Variants in SORCS3 observed in about 807,000 individuals in gnomAD.
SORCS3 encodes the protein sortilin related VPS10 domain containing receptor 3, also known as VPS10 domain-containing receptor SorCS3.
A neutral mutation model predicts 146.3 loss-of-function variants in SORCS3; 57 were observed. The ratio of observed to expected loss-of-function variants is 0.39; its 90% CI spans 0.31 to 0.49. The LOEUF (loss-of-function observed/expected upper bound fraction) is 0.49. Among genes scored for constraint, SORCS3 ranks in the 20% least tolerant of loss-of-function variants. The probability of loss-of-function intolerance (pLI) is 0.92; values close to 1 mark genes in which losing one functional copy is unlikely to be tolerated. For missense variants in SORCS3, 1,341 were observed against 1,575.5 expected (o/e 0.85, Z 2.52); for synonymous variants, 653 against 618.5 (o/e 1.06, Z -0.83).
intron 1 of SORCS3, among the ~76,000 whole-genome samples, chr10:104,827,412 C>T (rs763610567): frequency 5.3e-5 from 8 of 152,072 alleles, no homozygotes; most frequent in African/African-American, 9.7e-5. Flanking sequence ...ACATCTCCAT[C>T]GTAGATCTTG....
At chr10:105,004,053 G>C (rs2055078511) in intron 4 of SORCS3, among the ~76,000 whole-genome samples, 1 of 146,882 alleles carries the variant, frequency 6.8e-6, no homozygotes, top group South Asian at 2.1e-4. Context: ...GCAGTTATGG[G>C]AAGTTTCTCA....
At chr10:105,223,001 C>T in intron 19 of SORCS3, 115 bp from the exon 20 acceptor site, 1 of 1,129,050 alleles carries the variant, frequency 8.9e-7, no homozygotes, top group Non-Finnish European at 1.2e-6. Flanking sequence ...GGTTTTGTGA[C>T]CCTTCCTTTT....
intron 20 of SORCS3, among the ~76,000 whole-genome samples, chr10:105,242,865 AT>A (rs1248694984): frequency 1.3e-5 from 1 of 76,230 alleles, no homozygotes; most frequent in Non-Finnish European, 2.4e-5. Flanking sequence ...TTATATATAT[AT>A]TTTTATATAT....
At chr10:104,951,465 C>T (rs2019428210) in intron 3 of SORCS3, among the ~76,000 whole-genome samples, 1 of 152,050 alleles carries the variant, frequency 6.6e-6, no homozygotes, top group African/African-American at 2.4e-5. Context: ...GTAGCTGGGA[C>T]TACAGGCACA....
At chr10:104,775,631 G>A (rs969162358) in intron 1 of SORCS3, among the ~76,000 whole-genome samples, 2 of 152,190 alleles carry the variant, frequency 1.3e-5, no homozygotes, top group African/African-American at 4.8e-5. Flanking sequence ...GTTCTATAAA[G>A]ACAGAATGAC....
At chr10:105,160,862 T>C (rs1000625740) in intron 11 of SORCS3, among the ~76,000 whole-genome samples, 6 of 152,144 alleles carry the variant, frequency 3.9e-5, no homozygotes, top group Non-Finnish European at 7.4e-5. Flanking sequence ...CTGACACTTA[T>C]TAGGTTTGTG....
At chr10:104,836,932 T>C (rs1250445075) in intron 1 of SORCS3, among the ~76,000 whole-genome samples, 1 of 152,174 alleles carries the variant, frequency 6.6e-6, no homozygotes, top group East Asian at 1.9e-4. Flanking sequence ...TTTCAGTGTA[T>C]AGAAATTCCT....
chr10:104,751,001 G>T (rs2016976448), intron 1 of SORCS3, among the ~76,000 whole-genome samples: 1 of 151,372 alleles, frequency 6.6e-6, no homozygotes, highest in South Asian at 2.1e-4. Flanking sequence ...TTCTGCCTTG[G>T]TGGGTACATA....
At chr10:105,255,928 T>C (rs1302110222) in intron 24 of SORCS3, 127 bp downstream of exon 24, 2 of 689,330 alleles carry the variant, frequency 2.9e-6, no homozygotes, top group Non-Finnish European at 4.9e-6. Flanking sequence ...GTCCTTTTTG[T>C]AGTTATGGTT....
intron 4 of SORCS3, among the ~76,000 whole-genome samples, chr10:105,026,578 G>A (rs767574901): frequency 2.6e-5 from 4 of 152,200 alleles, no homozygotes; most frequent in Non-Finnish European, 5.9e-5. Context: ...AATCAACCTA[G>A]ATGTCCATCA....
At chr10:105,050,571 T>C (rs1015651973) in intron 5 of SORCS3, among the ~76,000 whole-genome samples, 5 of 152,212 alleles carry the variant, frequency 3.3e-5, no homozygotes, top group African/African-American at 1.2e-4. Flanking sequence ...CAAGCCTTCA[T>C]ATGAGACTTC....
At chr10:104,968,405 C>T (rs190300692) in intron 3 of SORCS3, among the ~76,000 whole-genome samples, 88 of 152,314 alleles carry the variant, frequency 5.8e-4, no homozygotes, top group African/African-American at 1.8e-3. Context: ...CATGAGCCAC[C>T]GCGCCCGGCC....
intron 20 of SORCS3, among the ~76,000 whole-genome samples, chr10:105,242,807 TTATATATATTTTTATATATAAATTA>T (rs1321250023): frequency 0.19 from 18,329 of 96,734 alleles, 2,043 homozygotes; most frequent in South Asian, 0.22. Context: ...TATATATAAT[TTATATATATTTTTATATATAAATTA>T]TATATATATT....
intron 4 of SORCS3, among the ~76,000 whole-genome samples, chr10:105,012,465 A>G (rs2133681969): frequency 6.6e-6 from 1 of 152,194 alleles, no homozygotes; most frequent in South Asian, 2.1e-4. Context: ...TATGGTTGAT[A>G]ATGTTGAAGG....
At chr10:105,014,559 A>G (rs1418224612) in intron 4 of SORCS3, among the ~76,000 whole-genome samples, 1 of 152,216 alleles carries the variant, frequency 6.6e-6, no homozygotes, top group African/African-American at 2.4e-5. Flanking sequence ...TCTATTTTGT[A>G]TAAAGAAATA....
chr10:105,100,336 T>A (rs2133749452), intron 6 of SORCS3, among the ~76,000 whole-genome samples: 1 of 152,350 alleles, frequency 6.6e-6, no homozygotes, highest in Middle Eastern at 3.4e-3. Flanking sequence ...CATAGGGATA[T>A]CCAAATGAGA....
chr10:104,870,711 C>T (rs933405738), intron 2 of SORCS3, among the ~76,000 whole-genome samples: 6 of 152,020 alleles, frequency 3.9e-5, no homozygotes, highest in Non-Finnish European at 7.4e-5. Context: ...GGCTGTGATA[C>T]GGTCATTTTC....
chr10:104,876,381 A>T (rs1373376412), intron 2 of SORCS3, among the ~76,000 whole-genome samples: 1 of 152,180 alleles, frequency 6.6e-6, no homozygotes, highest in African/African-American at 2.4e-5. Context: ...AAAGCAAGTT[A>T]GATTCCAAAA....
intron 14 of SORCS3, among the ~76,000 whole-genome samples, chr10:105,189,909 A>C (rs184151949): frequency 6.6e-6 from 1 of 152,342 alleles, no homozygotes; most frequent in Admixed American, 6.5e-5. Context: ...ATAATTCTTC[A>C]TGCAGTAGAT....
Sources: allele counts gnomAD v4.1 joint callset (sites outside exome capture counted in the v4.1 genomes callset), GRCh38; gene constraint gnomAD v4.1.1; transcripts MANE v1.5; gene names NCBI Gene and HGNC (gene_info 2026-07-23, HGNC 2026-07-21).